The following PIK3C2G variants were observed in gnomAD, a reference collection of about 807,000 sequenced individuals.
The protein encoded by PIK3C2G is phosphatidylinositol-4-phosphate 3-kinase catalytic subunit type 2 gamma, also known as phosphatidylinositol 3-kinase C2 domain-containing subunit gamma.
PIK3C2G carries 168 observed loss-of-function variants against 181.1 expected under a neutral mutation model. That is an observed-to-expected ratio of 0.93 (90% confidence interval 0.82 to 1.05). The LOEUF (loss-of-function observed/expected upper bound fraction) is 1.05. Ranked by LOEUF, PIK3C2G falls within the 50% of genes least tolerant of loss-of-function variation. The pLI is 0.00. For missense variants in PIK3C2G, 1,869 were observed against 1,732.8 expected, an observed-to-expected ratio of 1.08 and a Z score of -1.40; for synonymous variants, 573 against 592.2, an observed-to-expected ratio of 0.97 and a Z score of 0.47.
At chr12:18,324,553 G>C (rs1298683351) in intron 7 of PIK3C2G, among the ~76,000 whole-genome samples, 3 of 152,204 alleles carry the variant, frequency 2.0e-5, no homozygotes, top group African/African-American at 4.8e-5. Flanking sequence ...CCTAAGCATA[G>C]ATAAAGCTGG....
chr12:18,467,131 C>A (rs1273088389), intron 18 of PIK3C2G, among the ~76,000 whole-genome samples: 1 of 151,964 alleles, frequency 6.6e-6, no homozygotes, highest in Non-Finnish European at 1.5e-5. Flanking sequence ...TGATAGGAAG[C>A]CATGCACAAA....
chr12:18,290,340 A>G (rs139260821), intron 3 of PIK3C2G, among the ~76,000 whole-genome samples: 55 of 152,354 alleles, frequency 3.6e-4, no homozygotes, highest in African/African-American at 1.3e-3. Flanking sequence ...ATATTTGTGT[A>G]AAATTCAAGT....
chr12:18,618,113 T>C (rs190543586), intron 31 of PIK3C2G, among the ~76,000 whole-genome samples: 1 of 152,304 alleles, frequency 6.6e-6, no homozygotes, highest in African/African-American at 2.4e-5. Context: ...TACTTTTTTT[T>C]TTCTTTTTTA....
the PIK3C2G span, among the ~76,000 whole-genome samples, chr12:18,721,772 T>G: frequency 6.6e-6 from 1 of 151,690 alleles, no homozygotes; most frequent in African/African-American, 2.4e-5. Flanking sequence ...ATATAGTCGC[T>G]TAGTATTCTT....
chr12:18,292,958 T>G (rs978803863), intron 4 of PIK3C2G, among the ~76,000 whole-genome samples: 2 of 152,168 alleles, frequency 1.3e-5, no homozygotes, highest in Non-Finnish European at 2.9e-5. Context: ...CTGTGTAATC[T>G]CTACAAAATT....
At chr12:18,562,952 T>G in intron 27 of PIK3C2G, 60 bp downstream of exon 27, 5 of 1,094,170 alleles carry the variant, frequency 4.6e-6, no homozygotes, top group Non-Finnish European at 6.8e-6. Context: ...CAGACTTCTC[T>G]TCACTATGCT....
intron 29 of PIK3C2G, among the ~76,000 whole-genome samples, chr12:18,576,557 T>C (rs1363026541): frequency 6.6e-6 from 1 of 152,070 alleles, no homozygotes; most frequent in African/African-American, 2.4e-5. Context: ...AACAAAGAAG[T>C]AAAATAAAAT....
intron 5 of PIK3C2G, among the ~76,000 whole-genome samples, chr12:18,298,408 C>CTT (rs71061295): frequency 0.43 from 59,250 of 138,004 alleles, 12,979 homozygotes; most frequent in Non-Finnish European, 0.5. Context: ...TGTGTTTTTT[C>CTT]TTTTTTTTTT....
At position 18,282,070 on chromosome 12, in the gene PIK3C2G, A is replaced by G. The variant is rs779653288; in HGVS notation, c.-12A>G. On this transcript the variant is annotated 5_prime_UTR_variant, in exon 2 of 33. Transcript: ENST00000538779. Reference sequence around the variant, plus strand: ...GAGCAGAGTCAACCCTCTCAGTTACATAAAATAAAAAATGGCATATTCTTG... The same window carrying G: ...GAGCAGAGTCAACCCTCTCAGTTACGTAAAATAAAAAATGGCATATTCTTG... 7.2e-6 allele frequency: 11 copies of G among 1,538,374 alleles called. No homozygotes were observed. Among genetic ancestry groups the G allele is most frequent in the Non-Finnish European group, 9.7e-6 (11 of 1,128,476 alleles).
intron 31 of PIK3C2G, among the ~76,000 whole-genome samples, chr12:18,636,296 G>A (rs930930526): frequency 6.6e-6 from 1 of 152,118 alleles, no homozygotes; most frequent in African/African-American, 2.4e-5. Flanking sequence ...ACAATGGCAC[G>A]ATCTCGGCTC....
chr12:18,327,948 G>A (rs1276279563), intron 8 of PIK3C2G, among the ~76,000 whole-genome samples: 2 of 151,818 alleles, frequency 1.3e-5, no homozygotes, highest in East Asian at 1.9e-4. Context: ...AAACTAAATC[G>A]TAGCCTTGGA....
intron 11 of PIK3C2G, among the ~76,000 whole-genome samples, chr12:18,349,952 G>C (rs192044757): frequency 1.9e-3 from 296 of 152,294 alleles, no homozygotes; most frequent in Non-Finnish European, 1.6e-3. Flanking sequence ...CTTGGTTTGT[G>C]AAATTGTTAC....
chr12:18,366,101 C>A (rs537826111), intron 12 of PIK3C2G, among the ~76,000 whole-genome samples: 1 of 152,186 alleles, frequency 6.6e-6, no homozygotes, highest in Non-Finnish European at 1.5e-5. Context: ...AAAGTTGTCT[C>A]TTTAAAATAT....
chr12:18,328,810 T>C (rs1014330748), intron 8 of PIK3C2G, among the ~76,000 whole-genome samples: 1 of 151,990 alleles, frequency 6.6e-6, no homozygotes, highest in Admixed American at 6.6e-5. Flanking sequence ...ATCACTATTA[T>C]TCAAGTTGAG....
intron 26 of PIK3C2G, among the ~76,000 whole-genome samples, chr12:18,551,062 A>T (rs140937911): frequency 2.0e-4 from 31 of 152,180 alleles, no homozygotes; most frequent in African/African-American, 6.5e-4. Context: ...TGTGGAATTT[A>T]AAATCCTGTA....
In PIK3C2G at chr12:18,640,463, T is replaced by G; in HGVS notation, c.4217T>G (p.Val1406Gly). ...GATGGCTCTGCGCCCAGTGCACATG[T>G]TGAATTTTATCTTTTACCATATCCC... ...LPDGSAPSAH[V>G]EFYLLPYPSE... The change falls in exon 32 of 33, where the codon GTT (valine) becomes GGT (glycine). Residue 1406 changes from valine (V) to glycine (G), a missense_variant. Val to Gly is a moderately radical substitution (Grantham distance 109). Transcript: ENST00000538779. 6.2e-7 allele frequency: 1 copy of G among 1,610,172 alleles called. No individual in the cohort carries two copies. Among genetic ancestry groups the G allele is most frequent in the South Asian group, 1.1e-5 (1 of 90,302 alleles).
Position 18,594,483 on chromosome 12 carries a change from T to C in PIK3C2G, c.4012-11T>C. On this transcript the variant is annotated splice_polypyrimidine_tract_variant and intron_variant, in intron 29 of 32. Transcript: ENST00000538779. Reference sequence around the variant, plus strand: ...AAATAAAGAAATATTATGTTTCATTTTGTTTTTCAGAGTGATTGTGTACTT... The same window carrying C: ...AAATAAAGAAATATTATGTTTCATTCTGTTTTTCAGAGTGATTGTGTACTT... 6.6e-7 allele frequency: 1 copy of C among 1,507,404 alleles called. No individual in the cohort carries two copies. The highest frequency in any genetic ancestry group is 1.3e-5 in the South Asian group (1 of 76,694). The allele number at this position is 1,507,404 out of a possible 1,614,324, so 93.4% of individuals were successfully genotyped here.
chr12:18,386,194 A>G (rs1407378722), intron 14 of PIK3C2G, among the ~76,000 whole-genome samples: 1 of 151,976 alleles, frequency 6.6e-6, no homozygotes, highest in African/African-American at 2.4e-5. Context: ...ACAATTCTCA[A>G]AGGTTCCAGT....
intron 18 of PIK3C2G, among the ~76,000 whole-genome samples, chr12:18,440,489 G>A (rs972118847): frequency 6.6e-6 from 1 of 152,090 alleles, no homozygotes; most frequent in Non-Finnish European, 1.5e-5. Context: ...TTAAGCTGGG[G>A]AAGCAAGAAA....
Sources: gnomAD v4.1 joint callset for allele counts (sites outside exome capture counted in the v4.1 genomes callset) on GRCh38, gnomAD v4.1.1 for gene constraint, MANE v1.5 for transcripts, NCBI Gene and HGNC (gene_info 2026-07-23, HGNC 2026-07-21) for gene names.